WWP2: variants seen among roughly 807,000 people sequenced by gnomAD.
WWP2 encodes the protein WW domain containing E3 ubiquitin protein ligase 2.
Under a neutral mutation model 121.0 loss-of-function variants are expected in WWP2, and 57 were observed. The observed-to-expected ratio is 0.47, with a 90% CI of 0.38 to 0.59. The LOEUF is 0.59. Ranked by LOEUF, WWP2 falls within the 20% of genes least tolerant of loss-of-function variation. The pLI is 0.00. For synonymous variants in WWP2, 449 were observed against 441.3 expected, an observed-to-expected ratio of 1.02 and a Z score of -0.22; for missense variants, 962 against 1,158.9, an observed-to-expected ratio of 0.83 and a Z score of 2.47.
intron 2 of WWP2, among the ~76,000 whole-genome samples, chr16:69,796,713 C>T (rs904338441): frequency 4.6e-5 from 7 of 152,294 alleles, no homozygotes; most frequent in Middle Eastern, 6.8e-3. Flanking sequence ...AACCTTGGTC[C>T]GTGTGTAAAT....
chr16:69,917,732 G>T lies in WWP2; in HGVS notation c.1028G>T (p.Arg343Leu). ...PPGWEKRTDP[R>L]GRFYYVDHNT... ...AGCTGGGAAAAACGCACAGATCCCC[G>T]AGGCAGGTTTTACTATGTGGATCAC... The change falls in exon 10 of 24, where the codon CGA (arginine) becomes CTA (leucine). Residue 343 changes from arginine (R) to leucine (L), a missense_variant. Arg to Leu is a moderately radical substitution (Grantham distance 102). Coordinates refer to ENST00000359154, the MANE Select transcript of WWP2 (RefSeq NM_001270454.2). 1 of 1,604,980 alleles carries T rather than the reference G, an allele frequency of 6.2e-7. No homozygotes were observed. Among genetic ancestry groups the T allele is most frequent in the Non-Finnish European group, 8.5e-7 (1 of 1,172,188 alleles).
rs913204384 is a variant in WWP2, at chr16:69,931,770, T to C, written c.1594-32T>C. The C allele has an allele frequency of 1.9e-6, 3 of 1,609,680 alleles. No homozygotes were observed. The African/African-American group carries it at 4.0e-5, about 22-fold the overall frequency. ...CCCCTGCCTGCTGTGGAAGGGAGAG[T>C]GGCAGGCTGGCCCGATGCTCTGTCT... On this transcript the variant is annotated intron_variant, in intron 15 of 23. Coordinates refer to ENST00000359154, the MANE Select transcript of WWP2 (RefSeq NM_001270454.2).
chr16:69,941,176 A>C lies in WWP2; in HGVS notation c.*1236A>C, dbSNP rs2058875464. 6.6e-6 allele frequency: 1 copy of C among 152,280 alleles called. No individual in the cohort carries two copies. Among genetic ancestry groups the C allele is most frequent in the African/African-American group, 2.4e-5 (1 of 41,454 alleles). The allele number at this position is 152,280 out of a possible 1,614,324, so 9.4% of individuals were successfully genotyped here. On this transcript the variant is annotated 3_prime_UTR_variant, in exon 24 of 24. Transcript: ENST00000359154. ...TTTCTGCAGTTCCCGCCAGCCTCCA[A>C]CACGGGGACTCTGCCGTAACTGGAA...
intron 4 of WWP2, among the ~76,000 whole-genome samples, chr16:69,802,102 G>A (rs1245628366): frequency 6.6e-6 from 1 of 151,554 alleles, no homozygotes; most frequent in Non-Finnish European, 1.5e-5. Context: ...GCTAATTTTT[G>A]TATTTTTAAC....
chr16:69,924,796 G>T (rs2058615263), intron 10 of WWP2, among the ~76,000 whole-genome samples: 1 of 150,432 alleles, frequency 6.6e-6, no homozygotes, highest in South Asian at 2.1e-4. Context: ...TAAAGGGGAA[G>T]GAAAACATTC....
intron 4 of WWP2, among the ~76,000 whole-genome samples, chr16:69,807,496 C>G (rs28563078): frequency 0.071 from 10,786 of 151,262 alleles, 1,229 homozygotes; most frequent in African/African-American, 0.24. Flanking sequence ...GTGTGTGCCT[C>G]TGGTCCCAGC....
chr16:69,894,412 G>A (rs2151945391), intron 8 of WWP2, among the ~76,000 whole-genome samples: 1 of 152,242 alleles, frequency 6.6e-6, no homozygotes, highest in Admixed American at 6.5e-5. Context: ...CAGCAGATGA[G>A]ACTTTGGCCA....
chr16:69,791,399 C>T (rs1434008348), intron 2 of WWP2, among the ~76,000 whole-genome samples: 2 of 151,590 alleles, frequency 1.3e-5, no homozygotes, highest in South Asian at 2.1e-4. Context: ...GGCTAATTTT[C>T]GTATTTTTAG....
intron 8 of WWP2, among the ~76,000 whole-genome samples, chr16:69,903,435 G>A (rs1330829575): frequency 6.6e-6 from 1 of 152,154 alleles, no homozygotes; most frequent in East Asian, 1.9e-4. Context: ...GTCAAAAGTG[G>A]AGACTGCTGA....
chr16:69,839,664 T>C (rs539117029), intron 4 of WWP2, among the ~76,000 whole-genome samples: 2 of 152,356 alleles, frequency 1.3e-5, no homozygotes, highest in African/African-American at 4.8e-5. Flanking sequence ...CAACATCATG[T>C]TTTAACACAA....
At chr16:69,918,866 T>TG (rs1163525154) in intron 10 of WWP2, among the ~76,000 whole-genome samples, 2 of 148,898 alleles carry the variant, frequency 1.3e-5, no homozygotes, top group Non-Finnish European at 3.0e-5. Context: ...TTTTTTGAGA[T>TG]GGAGTCTTGC....
intron 6 of WWP2, among the ~76,000 whole-genome samples, chr16:69,859,476 G>A (rs2057377649): frequency 6.6e-6 from 1 of 151,978 alleles, no homozygotes; most frequent in Admixed American, 6.6e-5. Flanking sequence ...GATCGCTTGA[G>A]CCCAGGGAGG....
chr16:69,938,583 T>TGCAGTGAGCTGGACCGTGCCACTGCA (rs1567448622), intron 21 of WWP2, among the ~76,000 whole-genome samples: 84 of 150,232 alleles, frequency 5.6e-4, no homozygotes, highest in African/African-American at 1.6e-3. Flanking sequence ...GTGCCACTGC[T>TGCAGTGAGCTGGACCGTGCCACTGCA]CTGCAGTGAG....
At chr16:69,781,766 T>G (rs2055669321) in intron 1 of WWP2, among the ~76,000 whole-genome samples, 1 of 152,022 alleles carries the variant, frequency 6.6e-6, no homozygotes, top group Non-Finnish European at 1.5e-5. Context: ...TGTATTTGAG[T>G]CTGGGAAGTC....
At chr16:69,915,419 C>G (rs2058464766) in intron 9 of WWP2, among the ~76,000 whole-genome samples, 1 of 152,086 alleles carries the variant, frequency 6.6e-6, no homozygotes, top group African/African-American at 2.4e-5. Flanking sequence ...TGGCAAAAAT[C>G]AAGAAATAAT....
intron 9 of WWP2, among the ~76,000 whole-genome samples, chr16:69,916,586 A>T (rs985292020): frequency 6.6e-6 from 1 of 152,162 alleles, no homozygotes; most frequent in Non-Finnish European, 1.5e-5. Flanking sequence ...ATGGAAAGTC[A>T]GTGGCAGGGA....
At chr16:69,764,055 G>T (rs2038675207) in intron 1 of WWP2, among the ~76,000 whole-genome samples, 1 of 152,148 alleles carries the variant, frequency 6.6e-6, no homozygotes, top group Non-Finnish European at 1.5e-5. Context: ...GGGATGGTCA[G>T]TATTGTCCCT....
At chr16:69,792,925 A>G (rs1311076438) in intron 2 of WWP2, among the ~76,000 whole-genome samples, 4 of 152,132 alleles carry the variant, frequency 2.6e-5, no homozygotes, top group African/African-American at 9.7e-5. Flanking sequence ...TCCTGGGCTC[A>G]GGTGGCCCTT....
In WWP2 at chr16:69,931,810, C is replaced by G; in HGVS notation, c.1602C>G (p.Asn534Lys). 6.2e-7 allele frequency: 1 copy of G among 1,613,738 alleles called. No individual in the cohort carries two copies. Among genetic ancestry groups the G allele is most frequent in the East Asian group, 2.2e-5 (1 of 44,874 alleles). ...LFEDSFQQIMNMKPYDLRRRL... is the reference protein window; with the variant it reads ...LFEDSFQQIMKMKPYDLRRRL... ...ATGCTCTGTCTTCCCAGATCATGAA[C>G]ATGAAACCCTATGACCTGCGCCGCC... Residue 534 changes from asparagine (N) to lysine (K), a missense_variant, in exon 16 of 24, where the codon AAC becomes AAG. By Grantham distance (94) the Asn-to-Lys change is moderately conservative. Transcript: ENST00000359154.
Sources: gnomAD v4.1 joint callset for allele counts (sites outside exome capture counted in the v4.1 genomes callset) on GRCh38, gnomAD v4.1.1 for gene constraint, MANE v1.5 for transcripts, NCBI Gene and HGNC (gene_info 2026-07-23, HGNC 2026-07-21) for gene names.